The following BTG4 variants were observed in gnomAD, a reference collection of about 807,000 sequenced individuals.
BTG4 encodes BTG anti-proliferation factor 4.
In BTG4, 10 loss-of-function variants were observed where a neutral mutation model predicts 19.3. That is an observed-to-expected ratio of 0.52 (90% CI 0.32 to 0.88). The LOEUF (loss-of-function observed/expected upper bound fraction) is 0.88, where lower values mean the gene tolerates loss of function less well. BTG4 is among the 40% of genes least tolerant of loss of function. The probability of loss-of-function intolerance (pLI) is 0.04; values close to 1 mark genes in which losing one functional copy is unlikely to be tolerated. For missense variants in BTG4, 238 were observed against 281.9 expected (o/e 0.84, Z 1.11); for synonymous variants, 91 against 95.7 (o/e 0.95, Z 0.29).
the BTG4 span, chr11:111,449,296 T>G: frequency 6.6e-6 from 1 of 151,748 alleles, no homozygotes; most frequent in Non-Finnish European, 1.5e-5. Context: ...CCAACCAACA[T>G]GAACCAGCAC....
the BTG4 span, among the ~76,000 whole-genome samples, chr11:111,451,732 C>G: frequency 6.6e-6 from 1 of 152,104 alleles, no homozygotes; most frequent in Non-Finnish European, 1.5e-5. Flanking sequence ...CCACTGCACT[C>G]CAGCCTGGGC....
the BTG4 span, chr11:111,401,081 A>AC: frequency 6.8e-4 from 97 of 143,026 alleles, no homozygotes; most frequent in Non-Finnish European, 1.4e-3. Flanking sequence ...AAAAAAAAAA[A>AC]CAGGAAAATT....
At chr11:111,511,874 G>A (rs576323501) in intron 1 of BTG4, among the ~76,000 whole-genome samples, 1 of 152,240 alleles carries the variant, frequency 6.6e-6, no homozygotes, top group Non-Finnish European at 1.5e-5. Flanking sequence ...TTCTATTTCT[G>A]ATACAAATAG....
chr11:111,417,199 T>C, the BTG4 span: 7 of 152,260 alleles, frequency 4.6e-5, no homozygotes, highest in East Asian at 1.3e-3. Context: ...GACTCTCCTT[T>C]GTCAACATTT....
the BTG4 span, chr11:111,418,271 T>G: frequency 6.6e-6 from 1 of 152,204 alleles, no homozygotes; most frequent in African/African-American, 2.4e-5. Context: ...AAGAGAGCCA[T>G]TCGCCCAACA....
chr11:111,431,798 C>T, the BTG4 span, among the ~76,000 whole-genome samples: 1 of 152,088 alleles, frequency 6.6e-6, no homozygotes, highest in South Asian at 2.1e-4. Context: ...CTTCCAGCAC[C>T]CAATCAGAGA....
the BTG4 span, among the ~76,000 whole-genome samples, chr11:111,394,079 G>T: frequency 6.6e-6 from 1 of 152,204 alleles, no homozygotes; most frequent in Non-Finnish European, 1.5e-5. Context: ...ACATCATGAA[G>T]CCTCACAATA....
chr11:111,404,484 C>G, the BTG4 span: 4 of 421,210 alleles, frequency 9.5e-6, 1 homozygote, highest in South Asian at 6.9e-5. Flanking sequence ...TTTCTAGGTC[C>G]CTAGAGAGGT....
intron 5 of BTG4, among the ~76,000 whole-genome samples, chr11:111,476,985 T>C (rs1181593276): frequency 6.6e-6 from 1 of 152,132 alleles, no homozygotes. Flanking sequence ...CAAGACTATT[T>C]AGGATAGTTA....
chr11:111,510,353 C>A (rs746519373), intron 1 of BTG4, among the ~76,000 whole-genome samples: 3 of 152,168 alleles, frequency 2.0e-5, no homozygotes, highest in Non-Finnish European at 2.9e-5. Context: ...TAGTCATCAA[C>A]CTTGTCTCTC....
the BTG4 span, chr11:111,455,881 G>A: frequency 2.2e-6 from 1 of 450,162 alleles, no homozygotes; most frequent in Non-Finnish European, 4.5e-6. Context: ...GAGGCCAGGT[G>A]AGCTTTGCTT....
the BTG4 span, chr11:111,453,710 C>CA: frequency 2.8e-6 from 1 of 355,812 alleles, no homozygotes; most frequent in East Asian, 7.4e-5. Flanking sequence ...CTGATTTGCT[C>CA]AAAAAATCTT....
chr11:111,437,832 C>T, the BTG4 span, among the ~76,000 whole-genome samples: 1 of 152,170 alleles, frequency 6.6e-6, no homozygotes, highest in African/African-American at 2.4e-5. Context: ...ACTCAGCCTT[C>T]CTGGGTTTTC....
chr11:111,436,541 C>G, the BTG4 span, among the ~76,000 whole-genome samples: 1 of 151,670 alleles, frequency 6.6e-6, no homozygotes, highest in African/African-American at 2.4e-5. Flanking sequence ...CAGAGAGAAT[C>G]GCTTGAATCT....
the BTG4 span, among the ~76,000 whole-genome samples, chr11:111,430,901 C>G: frequency 6.6e-6 from 1 of 152,188 alleles, no homozygotes; most frequent in South Asian, 2.1e-4. Context: ...CCTTCACATA[C>G]GGAGCTAATA....
the BTG4 span, among the ~76,000 whole-genome samples, chr11:111,408,775 C>T: frequency 6.6e-6 from 1 of 152,242 alleles, no homozygotes; most frequent in African/African-American, 2.4e-5. Context: ...TATACAAAGA[C>T]ATTTGTCAAG....
chr11:111,421,342 C>A, the BTG4 span, among the ~76,000 whole-genome samples: 1 of 152,194 alleles, frequency 6.6e-6, no homozygotes, highest in Non-Finnish European at 1.5e-5. Flanking sequence ...AAGGAGGAGA[C>A]CTGGCTTTGT....
the BTG4 span, among the ~76,000 whole-genome samples, chr11:111,456,220 G>A: frequency 6.6e-6 from 1 of 152,114 alleles, no homozygotes; most frequent in East Asian, 1.9e-4. The surrounding 1 kb of genome is among the most constrained non-coding windows in gnomAD (Gnocchi z 4.2). Flanking sequence ...TTGGGGTCTC[G>A]CAGGCCTGCT....
At chr11:111,420,513 G>A in the BTG4 span, among the ~76,000 whole-genome samples, 2 of 152,340 alleles carry the variant, frequency 1.3e-5, no homozygotes, top group African/African-American at 2.4e-5. Context: ...CTCTGGGGGA[G>A]ATAAAACAGG....
Sources: gnomAD v4.1 joint callset for allele counts (sites outside exome capture counted in the v4.1 genomes callset) on GRCh38, gnomAD v4.1.1 for gene constraint, Gnocchi (gnomAD v3.1) non-coding constraint, MANE v1.5 for transcripts, NCBI Gene and HGNC (gene_info 2026-07-23, HGNC 2026-07-21) for gene names.